Variants in MCPH1 observed in about 807,000 individuals in gnomAD.
The protein encoded by MCPH1 is microcephalin.
Under a neutral mutation model 84.5 loss-of-function variants are expected in MCPH1, and 104 were observed. That is an observed-to-expected ratio of 1.23 (90% confidence interval 1.05 to 1.45). The LOEUF is 1.45. MCPH1 is among the 40% of genes most tolerant of loss of function. The probability of loss-of-function intolerance (pLI) is 0.00; values close to 1 mark genes in which losing one functional copy is unlikely to be tolerated. For synonymous variants in MCPH1, 514 were observed against 366.8 expected (o/e 1.40, Z -4.58); for missense variants, 1,498 against 1,005.7 (o/e 1.49, Z -6.62).
chr8:6,485,856 C>T lies in MCPH1; in HGVS notation c.2136+4980C>T, dbSNP rs1809825371. ...GATTACAAGGTAAACGCAATGGTAA[C>T]CGCAATGGTAACCACGATGACTCTC... On this transcript the variant is annotated intron_variant, in intron 11 of 13. Transcript: ENST00000344683. Among the ~76,000 whole-genome samples, 4 of 151,934 alleles carry T rather than the reference C, an allele frequency of 2.6e-5. No homozygotes were observed. The South Asian group carries it at 8.3e-4, about 32-fold the overall frequency.
At chr8:6,411,134 T>A (rs1197502084) in intron 2 of MCPH1, among the ~76,000 whole-genome samples, 1 of 152,070 alleles carries the variant, frequency 6.6e-6, no homozygotes. Flanking sequence ...ATGGTGAAGA[T>A]TTTGGCCTGA....
intron 9 of MCPH1, among the ~76,000 whole-genome samples, chr8:6,461,116 A>C (rs1409696903): frequency 6.6e-6 from 1 of 152,148 alleles, no homozygotes; most frequent in African/African-American, 2.4e-5. Context: ...TAAACACCTG[A>C]ATTGACATTA....
At chr8:6,503,077 A>T (rs1389303714) in intron 12 of MCPH1, 1 of 1,613,914 alleles carries the variant, frequency 6.2e-7, no homozygotes. Flanking sequence ...AGTTCGAGAC[A>T]GTTCCTCAGG....
intron 11 of MCPH1, among the ~76,000 whole-genome samples, chr8:6,494,764 T>G (rs1040728875): frequency 7.2e-5 from 11 of 152,172 alleles, no homozygotes; most frequent in Non-Finnish European, 1.5e-4. Flanking sequence ...GGGGAGTGAT[T>G]ACTTAACAGG....
rs200406468 is a variant in MCPH1, at chr8:6,444,657, C to A, written c.935C>A (p.Thr312Asn). 1.9e-5 allele frequency: 31 copies of A among 1,614,060 alleles called. No homozygotes were observed. In the East Asian group the frequency reaches 6.2e-4, roughly 32 times the overall value. ...AGAAATATTGCAGGTAAAGTAGTCA[C>A]CCCTGACCAAAAGCAGGCTGCAGGT... is the stretch of plus-strand genomic sequence containing the variant. ...LQRNIAGKVV[T>N]PDQKQAAGMS... Residue 312 changes from threonine (T) to asparagine (N), a missense_variant, in exon 8 of 14, where the codon ACC becomes AAC. By Grantham distance (65) the Thr-to-Asn change is moderately conservative. Coordinates refer to ENST00000344683, the MANE Select transcript of MCPH1 (RefSeq NM_024596.5).
chr8:6,445,016 G>A lies in MCPH1; in HGVS notation c.1294G>A (p.Glu432Lys), dbSNP rs1024644025. 1.9e-6 allele frequency: 3 copies of A among 1,614,180 alleles called. No individual in the cohort carries two copies. The highest frequency in any genetic ancestry group is 2.2e-5 in the East Asian group (1 of 44,880). ...KERYSENLPP[E>K]SQLPSSPAQL... is the part of the protein sequence containing the mutation. ...AAGGTATTCAGAGAATCTTCCTCCT[G>A]AATCTCAGCTGCCATCAAGCCCTGC... Residue 432 changes from glutamate to lysine, a missense_variant, in exon 8 of 14, where the codon GAA (glutamate) becomes AAA (lysine). Physicochemically the swap from Glu to Lys is moderately conservative, Grantham distance 56. Transcript: ENST00000344683.
chr8:6,523,109 T>C (rs1377179482), intron 12 of MCPH1, among the ~76,000 whole-genome samples: 1 of 152,034 alleles, frequency 6.6e-6, no homozygotes, highest in Non-Finnish European at 1.5e-5. Flanking sequence ...GCTATTCTCC[T>C]GCCTCAGTCT....
rs59299448 is a variant in MCPH1 at position 6,559,230 on chromosome 8, A to AACACACACACACACACAC, written c.2214+59315_2214+59332dup. Among the ~76,000 whole-genome samples the AACACACACACACACACAC allele has an allele frequency of 4.9e-3, 714 of 146,820 alleles. 21 individuals are homozygous for AACACACACACACACACAC. The East Asian group carries it at 0.072, about 15-fold the overall frequency. On this transcript the variant is annotated intron_variant, in intron 12 of 13. Coordinates refer to ENST00000344683, the MANE Select transcript of MCPH1 (RefSeq NM_024596.5). ...TGAGTGTTTTGTAGCCACACACGAC[A>AACACACACACACACACAC]ACACACACACACACACACACACACA...
intron 12 of MCPH1, chr8:6,509,123 A>C (rs1257250269): frequency 5.1e-6 from 8 of 1,574,208 alleles, no homozygotes; most frequent in East Asian, 2.2e-5. Context: ...CGTAGTGGCA[A>C]ATTTTTTGTG....
intron 12 of MCPH1, chr8:6,502,031 T>C (rs1458531229): frequency 6.6e-6 from 1 of 152,072 alleles, no homozygotes; most frequent in Non-Finnish European, 1.5e-5. Context: ...ACATATAGCT[T>C]TGTAAATTTC....
intron 12 of MCPH1, chr8:6,532,292 A>G (rs772464265): frequency 1.2e-6 from 2 of 1,612,992 alleles, no homozygotes; most frequent in African/African-American, 1.3e-5. Flanking sequence ...GCTAGTCTCT[A>G]GCTGCAGGGA....
chr8:6,510,145 G>C (rs1814725057), intron 12 of MCPH1, among the ~76,000 whole-genome samples: 1 of 145,132 alleles, frequency 6.9e-6, no homozygotes, highest in African/African-American at 2.6e-5. Context: ...CAATATTTTT[G>C]AGGTTGTTTT....
intron 4 of MCPH1, 118 bp downstream of exon 4, chr8:6,431,704 T>C: frequency 1.5e-6 from 1 of 680,120 alleles, no homozygotes; most frequent in Non-Finnish European, 2.5e-6. Context: ...AATATGCTAT[T>C]GATGATATTG....
intron 12 of MCPH1, among the ~76,000 whole-genome samples, chr8:6,593,429 C>T (rs1382820064): frequency 2.1e-5 from 3 of 145,950 alleles, no homozygotes; most frequent in Non-Finnish European, 4.5e-5. Context: ...ATCTTGGCTC[C>T]CTGCAACCTC....
chr8:6,557,170 C>T (rs1351137980), intron 12 of MCPH1, among the ~76,000 whole-genome samples: 4 of 152,154 alleles, frequency 2.6e-5, no homozygotes, highest in East Asian at 1.9e-4. Flanking sequence ...GAAAATTCTG[C>T]TTTTGTCAGA....
At chr8:6,446,680 T>C (rs1251154354) in intron 8 of MCPH1, 1 of 984,990 alleles carries the variant, frequency 1.0e-6, no homozygotes, top group African/African-American at 1.7e-5. Flanking sequence ...GTTAAGAATA[T>C]CCTGTTCTGA....
chr8:6,424,042 T>C (rs2129553047), intron 3 of MCPH1, among the ~76,000 whole-genome samples: 1 of 152,316 alleles, frequency 6.6e-6, no homozygotes, highest in South Asian at 2.1e-4. Context: ...CAGTAGCTCA[T>C]GGTTTCCACT....
At chr8:6,542,343 T>TG (rs1563096217) in intron 12 of MCPH1, among the ~76,000 whole-genome samples, 3 of 152,006 alleles carry the variant, frequency 2.0e-5, no homozygotes, top group Non-Finnish European at 2.9e-5. Flanking sequence ...TGTGTGTGTG[T>TG]TTCAGTTCTC....
chr8:6,593,494 A>G (rs1401196653), intron 12 of MCPH1, among the ~76,000 whole-genome samples: 1 of 152,194 alleles, frequency 6.6e-6, no homozygotes, highest in Non-Finnish European at 1.5e-5. Flanking sequence ...AGCTGGAAAT[A>G]TAGGCACACG....
Sources: allele counts gnomAD v4.1 joint callset (sites outside exome capture counted in the v4.1 genomes callset), GRCh38; gene constraint gnomAD v4.1.1; transcripts MANE v1.5; gene names NCBI Gene and HGNC (gene_info 2026-07-23, HGNC 2026-07-21).